TMEM74: variants seen among roughly 807,000 people sequenced by gnomAD.
TMEM74 encodes transmembrane protein 74.
TMEM74 carries 13 observed loss-of-function variants against 18.1 expected under a neutral mutation model. The ratio of observed to expected loss-of-function variants is 0.72; its 90% CI spans 0.47 to 1.14. The LOEUF is 1.14. Ranked by LOEUF, TMEM74 falls within the 50% of genes most tolerant of loss-of-function variation. TMEM74 has a pLI of 0.00. For synonymous variants in TMEM74, 159 were observed against 146.6 expected, an observed-to-expected ratio of 1.08 and a Z score of -0.61; for missense variants, 372 against 375.9, an observed-to-expected ratio of 0.99 and a Z score of 0.09.
At chr8:108,653,171 AC>A (rs1193959132) in intron 2 of TMEM74, 3 of 160,116 alleles carry the variant, frequency 1.9e-5, no homozygotes, top group Non-Finnish European at 2.8e-5. Context: ...ATGACCAGAC[AC>A]CAGAGTGGAA....
chr8:108,784,505 G>A lies in TMEM74; in HGVS notation c.594C>T (p.Val198=). The A allele has an allele frequency of 6.2e-7, 1 of 1,614,170 alleles. No homozygotes were observed. Among genetic ancestry groups the A allele is most frequent in the Non-Finnish European group, 8.5e-7 (1 of 1,180,040 alleles). The part of the protein sequence containing the change: ...GILLVIISYI[V]PREVTVDPNT... Reference sequence around the variant, plus strand: ...TGGGGTCCACAGTCACTTCCCGTGGGACGATGTAAGAGATGATCACGAGCA... The same window carrying A: ...TGGGGTCCACAGTCACTTCCCGTGGAACGATGTAAGAGATGATCACGAGCA... The change falls in exon 2 of 2, where the codon GTC becomes GTT. Residue 198 remains valine, a synonymous_variant. Transcript: ENST00000297459.
At chr8:108,766,828 C>T (rs769471626) in intron 1 of TMEM74, among the ~76,000 whole-genome samples, 1 of 152,124 alleles carries the variant, frequency 6.6e-6, no homozygotes, top group East Asian at 1.9e-4. Context: ...CCAAAAGCCC[C>T]GTGGCAAACC....
intron 1 of TMEM74, among the ~76,000 whole-genome samples, chr8:108,668,765 CATATTT>C (rs1254923742): frequency 1.3e-5 from 2 of 152,130 alleles, no homozygotes; most frequent in African/African-American, 2.4e-5. Flanking sequence ...GCAAAATAAA[CATATTT>C]ATACAAAAAA....
intron 2 of TMEM74, among the ~76,000 whole-genome samples, chr8:108,614,530 C>T (rs1812365117): frequency 6.6e-6 from 1 of 152,126 alleles, no homozygotes; most frequent in South Asian, 2.1e-4. Flanking sequence ...GAATATTCGA[C>T]TGTGAAAATT....
At chr8:108,609,353 T>C (rs1812310936) in intron 2 of TMEM74, among the ~76,000 whole-genome samples, 1 of 152,214 alleles carries the variant, frequency 6.6e-6, no homozygotes, top group African/African-American at 2.4e-5. Flanking sequence ...TAAACTATTC[T>C]TAAAATATTC....
intron 1 of TMEM74, among the ~76,000 whole-genome samples, chr8:108,678,749 A>C (rs1813081813): frequency 6.7e-6 from 1 of 149,022 alleles, no homozygotes; most frequent in African/African-American, 2.5e-5. Flanking sequence ...TTATTTATTT[A>C]TTTTATTATT....
chr8:108,705,401 T>C (rs971796670), intron 1 of TMEM74, among the ~76,000 whole-genome samples: 5 of 152,024 alleles, frequency 3.3e-5, no homozygotes, highest in Admixed American at 2.6e-4. Flanking sequence ...GAAAAAGGAG[T>C]TGTTAATTCC....
chr8:108,671,368 T>A (rs1052224514), intron 1 of TMEM74, among the ~76,000 whole-genome samples: 1 of 152,186 alleles, frequency 6.6e-6, no homozygotes, highest in African/African-American at 2.4e-5. Context: ...ACCACCCTCT[T>A]GCCAAGGTTA....
At chr8:108,612,014 C>A (rs1812339151) in intron 2 of TMEM74, among the ~76,000 whole-genome samples, 2 of 152,024 alleles carry the variant, frequency 1.3e-5, no homozygotes, top group South Asian at 2.1e-4. Flanking sequence ...GGAGGAGAGT[C>A]CCTTATAAAA....
chr8:108,662,600 C>G (rs1812911488), intron 1 of TMEM74, among the ~76,000 whole-genome samples: 1 of 152,092 alleles, frequency 6.6e-6, no homozygotes, highest in African/African-American at 2.4e-5. Flanking sequence ...GTCAGCCTGG[C>G]TCCATAGATG....
intron 2 of TMEM74, among the ~76,000 whole-genome samples, chr8:108,647,523 A>G (rs566265235): frequency 6.6e-6 from 1 of 152,302 alleles, no homozygotes; most frequent in Non-Finnish European, 1.5e-5. Flanking sequence ...GTTTTAAAGT[A>G]GGAAAAAAAA....
intron 1 of TMEM74, among the ~76,000 whole-genome samples, chr8:108,669,941 G>A (rs1292681489): frequency 1.3e-5 from 2 of 151,046 alleles, no homozygotes; most frequent in Non-Finnish European, 2.9e-5. Context: ...GGGAGGCTGA[G>A]GCAAGAGAAT....
At chr8:108,688,229 A>T (rs1586261484) in intron 1 of TMEM74, among the ~76,000 whole-genome samples, 1 of 152,350 alleles carries the variant, frequency 6.6e-6, no homozygotes, top group East Asian at 1.9e-4. Flanking sequence ...TTCTGAAGTC[A>T]ATTTGACATT....
At chr8:108,742,958 G>A (rs1254110404) in intron 1 of TMEM74, among the ~76,000 whole-genome samples, 2 of 152,188 alleles carry the variant, frequency 1.3e-5, no homozygotes, top group African/African-American at 4.8e-5. Context: ...TAGAGATGTT[G>A]TAACTGAAAA....
At chr8:108,632,762 T>G (rs1812567661) in intron 2 of TMEM74, among the ~76,000 whole-genome samples, 1 of 152,010 alleles carries the variant, frequency 6.6e-6, no homozygotes, top group Non-Finnish European at 1.5e-5. Flanking sequence ...TTTCTTACTA[T>G]GTGGTTTCTG....
intron 2 of TMEM74, among the ~76,000 whole-genome samples, chr8:108,633,678 T>C (rs1051947055): frequency 6.6e-6 from 1 of 151,990 alleles, no homozygotes. Flanking sequence ...CTATGTTCTC[T>C]CTCTCTGGAA....
chr8:108,699,187 C>CCTTCCTTCCTTTCTTCCTTCCTT (rs1563529302), intron 1 of TMEM74, among the ~76,000 whole-genome samples: 1 of 68,792 alleles, frequency 1.5e-5, no homozygotes, highest in African/African-American at 6.7e-5. Context: ...CTTCCTTCCT[C>CCTTCCTTCCTTTCTTCCTTCCTT]CCTCCCTCCC....
At chr8:108,645,576 A>G (rs1812709843) in intron 2 of TMEM74, among the ~76,000 whole-genome samples, 1 of 152,176 alleles carries the variant, frequency 6.6e-6, no homozygotes, top group African/African-American at 2.4e-5. Flanking sequence ...GACCCATTTC[A>G]TGATCATGTA....
chr8:108,699,200 C>T (rs1293095351), intron 1 of TMEM74, among the ~76,000 whole-genome samples: 14 of 133,892 alleles, frequency 1.0e-4, no homozygotes, highest in African/African-American at 1.5e-4. Flanking sequence ...TCCCTCCCTC[C>T]CTCCCTCCCT....
Sources: gnomAD v4.1 joint callset for allele counts (sites outside exome capture counted in the v4.1 genomes callset) on GRCh38, gnomAD v4.1.1 for gene constraint, MANE v1.5 for transcripts, NCBI Gene and HGNC (gene_info 2026-07-23, HGNC 2026-07-21) for gene names.